THSD7B: variants seen among roughly 807,000 people sequenced by gnomAD.
The protein encoded by THSD7B is thrombospondin type-1 domain-containing protein 7B.
Under a neutral mutation model 213.6 loss-of-function variants are expected in THSD7B, and 138 were observed. The ratio of observed to expected loss-of-function variants is 0.65; its 90% CI spans 0.56 to 0.74. The LOEUF (loss-of-function observed/expected upper bound fraction) is 0.74. THSD7B is among the 30% of genes least tolerant of loss of function. THSD7B has a pLI of 0.00. For missense variants in THSD7B, 1,931 were observed against 1,991.5 expected (o/e 0.97, Z 0.58); for synonymous variants, 742 against 687.0 (o/e 1.08, Z -1.25).
chr2:137,056,437 A>G lies in THSD7B; in HGVS notation c.157A>G (p.Thr53Ala). The change falls in exon 3 of 28, where the codon ACA becomes GCA. Residue 53 changes from threonine (T) to alanine (A), a missense_variant. Physicochemically the swap from Thr to Ala is moderately conservative, Grantham distance 58. Transcript: ENST00000409968. ...GCCTGTAGGTCCGTGGGGAAGGTGT[A>G]CAGGAGACTGTGGTCCCGGAGGAGT... is the stretch of plus-strand genomic sequence containing the variant. ...IWKPGPWGRCTGDCGPGGVQS... is the reference protein window; with the variant it reads ...IWKPGPWGRCAGDCGPGGVQS... The G allele has an allele frequency of 6.2e-7, 1 of 1,613,588 alleles. No individual in the cohort carries two copies. Among genetic ancestry groups the G allele is most frequent in the East Asian group, 2.2e-5 (1 of 44,860 alleles).
chr2:136,841,235 T>C (rs1682914301), intron 1 of THSD7B, among the ~76,000 whole-genome samples: 1 of 152,168 alleles, frequency 6.6e-6, no homozygotes, highest in Non-Finnish European at 1.5e-5. Context: ...TGCTTAAAAA[T>C]ATATTTTACT....
intron 12 of THSD7B, among the ~76,000 whole-genome samples, chr2:137,292,108 CTTCTCA>C (rs1247424654): frequency 6.6e-6 from 1 of 152,136 alleles, no homozygotes; most frequent in South Asian, 2.1e-4. Context: ...GTTGGCTTCA[CTTCTCA>C]TGATTACACA....
chr2:137,156,120 G>A (rs1679904726), intron 5 of THSD7B: 1 of 152,188 alleles, frequency 6.6e-6, no homozygotes, highest in Admixed American at 6.5e-5. Context: ...CCTGTTGACT[G>A]TTGGAACATA....
At chr2:137,201,566 TC>T (rs1680876174) in intron 7 of THSD7B, among the ~76,000 whole-genome samples, 1 of 152,166 alleles carries the variant, frequency 6.6e-6, no homozygotes, top group African/African-American at 2.4e-5. Flanking sequence ...CACATTGTAC[TC>T]CATAAGTATA....
intron 14 of THSD7B, among the ~76,000 whole-genome samples, chr2:137,416,761 G>T (rs1386300937): frequency 2.0e-5 from 3 of 152,208 alleles, no homozygotes; most frequent in Non-Finnish European, 4.4e-5. Flanking sequence ...CCATAGAGAA[G>T]CCACCTGTGT....
chr2:137,354,801 T>C (rs552291703), intron 12 of THSD7B, among the ~76,000 whole-genome samples: 1 of 151,970 alleles, frequency 6.6e-6, no homozygotes, highest in South Asian at 2.1e-4. Flanking sequence ...GAAGTTTGGA[T>C]TTCAGTTCCC....
intron 12 of THSD7B, among the ~76,000 whole-genome samples, chr2:137,298,998 C>T (rs1683533252): frequency 6.6e-6 from 1 of 152,070 alleles, no homozygotes; most frequent in Non-Finnish European, 1.5e-5. Context: ...CCTCCAGACC[C>T]CAGAATGGTA....
At chr2:137,139,883 AT>A (rs1679546878) in intron 5 of THSD7B, among the ~76,000 whole-genome samples, 1 of 152,162 alleles carries the variant, frequency 6.6e-6, no homozygotes, top group Admixed American at 6.6e-5. Flanking sequence ...ACTTTATGAT[AT>A]TTTATATCAA....
chr2:137,074,336 G>C (rs1372284258), intron 3 of THSD7B, among the ~76,000 whole-genome samples: 3 of 152,086 alleles, frequency 2.0e-5, no homozygotes, highest in Non-Finnish European at 4.4e-5. Context: ...TTACCATTAT[G>C]TAATGGCCTT....
chr2:136,919,536 A>G (rs1684400409), intron 2 of THSD7B, among the ~76,000 whole-genome samples: 1 of 152,220 alleles, frequency 6.6e-6, no homozygotes, highest in Non-Finnish European at 1.5e-5. Flanking sequence ...TTCCCAAAGT[A>G]CTTAAATCTA....
At chr2:136,796,826 CTT>C (rs1276331831) in intron 1 of THSD7B, among the ~76,000 whole-genome samples, 1 of 151,802 alleles carries the variant, frequency 6.6e-6, no homozygotes, top group Non-Finnish European at 1.5e-5. Flanking sequence ...ATTTTAAAGA[CTT>C]GTGTTTTTTA....
chr2:137,430,879 A>C (rs1276236825), intron 14 of THSD7B, among the ~76,000 whole-genome samples: 1 of 152,208 alleles, frequency 6.6e-6, no homozygotes, highest in Non-Finnish European at 1.5e-5. Flanking sequence ...AATAAGGTAG[A>C]AAAGTGAGCT....
intron 1 of THSD7B, among the ~76,000 whole-genome samples, chr2:136,816,602 T>C (rs1381843092): frequency 2.0e-5 from 3 of 152,202 alleles, no homozygotes; most frequent in African/African-American, 7.2e-5. Context: ...TTGGTTACAT[T>C]TCTGGTAATT....
intron 11 of THSD7B, among the ~76,000 whole-genome samples, chr2:137,274,188 A>G (rs1682817548): frequency 6.6e-6 from 1 of 152,052 alleles, no homozygotes; most frequent in Non-Finnish European, 1.5e-5. Flanking sequence ...CCTTAGTGAA[A>G]CATCCTTGAA....
chr2:137,560,558 G>T (rs1040979988), intron 15 of THSD7B, among the ~76,000 whole-genome samples: 1 of 152,102 alleles, frequency 6.6e-6, no homozygotes. Flanking sequence ...ACCGGGGCCT[G>T]TTGTGGGGTG....
chr2:137,500,156 A>G (rs992293224), intron 15 of THSD7B, among the ~76,000 whole-genome samples: 1 of 152,122 alleles, frequency 6.6e-6, no homozygotes, highest in Non-Finnish European at 1.5e-5. Flanking sequence ...CACTATTTAA[A>G]TCCTGACCTA....
At chr2:137,438,614 G>A (rs1687338678) in intron 14 of THSD7B, among the ~76,000 whole-genome samples, 1 of 152,050 alleles carries the variant, frequency 6.6e-6, no homozygotes, top group East Asian at 1.9e-4. Context: ...TAGTCCCTGC[G>A]ATGGTTGATA....
intron 2 of THSD7B, among the ~76,000 whole-genome samples, chr2:136,928,621 A>G (rs940634363): frequency 1.3e-5 from 2 of 152,216 alleles, no homozygotes; most frequent in Admixed American, 6.5e-5. Context: ...TGATTCATAC[A>G]AAAAATAACT....
intron 1 of THSD7B, among the ~76,000 whole-genome samples, chr2:136,810,683 G>A (rs1244686820): frequency 6.6e-6 from 1 of 152,142 alleles, no homozygotes; most frequent in African/African-American, 2.4e-5. Context: ...AAGTTCAGGT[G>A]TTACATCCTT....
Sources: allele counts gnomAD v4.1 joint callset (sites outside exome capture counted in the v4.1 genomes callset), GRCh38; gene constraint gnomAD v4.1.1; transcripts MANE v1.5; gene names NCBI Gene and HGNC (gene_info 2026-07-23, HGNC 2026-07-21).